TMEM40: variants seen among roughly 807,000 people sequenced by gnomAD.
The protein encoded by TMEM40 is transmembrane protein 40.
TMEM40 carries 34 observed loss-of-function variants against 40.8 expected under a neutral mutation model. The ratio of observed to expected loss-of-function variants is 0.83; its 90% CI spans 0.63 to 1.11. The LOEUF (loss-of-function observed/expected upper bound fraction) is 1.11. Among genes scored for constraint, TMEM40 ranks in the 50% least tolerant of loss-of-function variants. The pLI is 0.00. For synonymous variants in TMEM40, 106 were observed against 107.0 expected, an observed-to-expected ratio of 0.99 and a Z score of 0.06; for missense variants, 296 against 280.2, an observed-to-expected ratio of 1.06 and a Z score of -0.40.
chr3:12,742,122 C>T (rs761830471), intron 5 of TMEM40, among the ~76,000 whole-genome samples: 6 of 152,004 alleles, frequency 3.9e-5, no homozygotes, highest in South Asian at 4.2e-4. Context: ...CCCACCTACT[C>T]GGGAGGCTGA....
At chr3:12,747,029 G>A (rs903133509) in intron 3 of TMEM40, among the ~76,000 whole-genome samples, 3 of 152,036 alleles carry the variant, frequency 2.0e-5, no homozygotes, top group African/African-American at 7.2e-5. Context: ...GTTTTTAAAT[G>A]GGGCGATGGC....
intron 1 of TMEM40, among the ~76,000 whole-genome samples, chr3:12,752,128 A>G (rs2061482357): frequency 6.6e-6 from 1 of 151,936 alleles, no homozygotes. Context: ...TCTCTCTATC[A>G]CCCAGGCTAA....
chr3:12,749,131 T>G (rs2106615626), intron 2 of TMEM40, among the ~76,000 whole-genome samples: 1 of 152,060 alleles, frequency 6.6e-6, no homozygotes, highest in South Asian at 2.1e-4. Context: ...TTCATGCCAT[T>G]CTCCTGCCTC....
upstream of TMEM40, among the ~76,000 whole-genome samples, chr3:12,760,455 C>T (rs2106623618): frequency 6.6e-6 from 1 of 152,232 alleles, no homozygotes; most frequent in South Asian, 2.1e-4. Flanking sequence ...CCTGGGTGGG[C>T]TCCCTCCTCA....
intron 3 of TMEM40, among the ~76,000 whole-genome samples, chr3:12,744,720 G>A (rs1285325934): frequency 6.6e-6 from 1 of 152,196 alleles, no homozygotes; most frequent in East Asian, 1.9e-4. Context: ...AGGTCTAGGA[G>A]TTTCTGGCTC....
At chr3:12,746,562 G>A (rs761911279) in intron 3 of TMEM40, among the ~76,000 whole-genome samples, 31 of 152,182 alleles carry the variant, frequency 2.0e-4, no homozygotes, top group African/African-American at 1.7e-4. Flanking sequence ...ATGTGAGGAC[G>A]GCAGGGCTGC....
At chr3:12,752,216 G>T (rs577535997) in intron 1 of TMEM40, among the ~76,000 whole-genome samples, 5 of 152,258 alleles carry the variant, frequency 3.3e-5, no homozygotes, top group South Asian at 4.1e-4. Context: ...AACCTTCTGA[G>T]TAGGTAGGAC....
chr3:12,744,039 T>C, intron 3 of TMEM40, 50 bp from the exon 4 acceptor site: 3 of 1,566,862 alleles, frequency 1.9e-6, no homozygotes, highest in Non-Finnish European at 2.6e-6. Flanking sequence ...TGGAACAAGC[T>C]GGGAATGCGT....
At chr3:12,758,487 G>C (rs1177277350) in intron 1 of TMEM40, among the ~76,000 whole-genome samples, 1 of 152,176 alleles carries the variant, frequency 6.6e-6, no homozygotes, top group Non-Finnish European at 1.5e-5. Flanking sequence ...GACAGCCTAC[G>C]GGGGTGGGTG....
At chr3:12,761,814 C>T (rs11719526), upstream of TMEM40, among the ~76,000 whole-genome samples, 45,485 of 151,676 alleles carry the variant, frequency 0.3, 8,584 homozygotes, top group Non-Finnish European at 0.43. Flanking sequence ...TGACACATGG[C>T]TGGTCAGGAT....
rs988079636 is a variant in TMEM40 at position 12,733,807 on chromosome 3, G to A, written c.*967C>T. On this transcript the variant is annotated 3_prime_UTR_variant, in exon 12 of 12. Coordinates refer to ENST00000314124, the MANE Select transcript of TMEM40 (RefSeq NM_018306.4). ...TGTTCTCATCATAAAAAAAGGGTAT[G>A]TGAGGGATACATATGTTAATTAGCT... 4 of 151,892 alleles carry A rather than the reference G, an allele frequency of 2.6e-5. No individual in the cohort carries two copies. Among genetic ancestry groups the A allele is most frequent in the African/African-American group, 9.7e-5 (4 of 41,318 alleles). 9.4% of individuals were successfully genotyped at this position (151,892 alleles called of 1,614,324 possible). A position where few individuals can be genotyped will look rare whatever the true frequency, so the allele number is the denominator to read the frequency against.
chr3:12,737,454 G>C (rs970230295), intron 8 of TMEM40: 23 of 572,576 alleles, frequency 4.0e-5, no homozygotes, highest in African/African-American at 9.4e-5. Flanking sequence ...AGAGGACCAG[G>C]GCTCAAGCTC....
intron 1 of TMEM40, among the ~76,000 whole-genome samples, chr3:12,758,957 G>A (rs1381255707): frequency 6.6e-6 from 1 of 152,110 alleles, no homozygotes. Context: ...CACCTACCAT[G>A]GCCAAGTATA....
intron 6 of TMEM40, among the ~76,000 whole-genome samples, 192 bp downstream of exon 6, chr3:12,738,361 G>A (rs934821940): frequency 6.6e-6 from 1 of 152,172 alleles, no homozygotes; most frequent in African/African-American, 2.4e-5. Context: ...AGCCTTCCAA[G>A]CTCCCCAGGC....
chr3:12,768,082 C>T (rs182010176), intron 1 of TMEM40, among the ~76,000 whole-genome samples: 37 of 152,216 alleles, frequency 2.4e-4, no homozygotes, highest in South Asian at 8.3e-4. Context: ...GCGGCGTGTT[C>T]GGAGTTTCTT....
intron 1 of TMEM40, among the ~76,000 whole-genome samples, chr3:12,752,179 C>A (rs1468530577): frequency 6.6e-6 from 1 of 152,140 alleles, no homozygotes; most frequent in Non-Finnish European, 1.5e-5. Context: ...GCCTTGAACT[C>A]CTGGACTCAA....
At chr3:12,752,373 A>G (rs79314560) in intron 1 of TMEM40, among the ~76,000 whole-genome samples, 9,462 of 152,306 alleles carry the variant, frequency 0.062, 323 homozygotes, top group African/African-American at 0.093. Context: ...ACAAGCAGCT[A>G]TAAGTGCCTA....
At chr3:12,749,446 C>T (rs1156986899) in intron 2 of TMEM40, among the ~76,000 whole-genome samples, 1 of 152,208 alleles carries the variant, frequency 6.6e-6, no homozygotes, top group Non-Finnish European at 1.5e-5. Context: ...CCTAAACCTT[C>T]CCATTCCCCA....
chr3:12,733,610 A>G lies in TMEM40; in HGVS notation c.*1164T>C, dbSNP rs1014495352. The G allele has an allele frequency of 1.3e-5, 2 of 152,066 alleles. No homozygotes were observed. Among genetic ancestry groups the G allele is most frequent in the African/African-American group, 4.8e-5 (2 of 41,406 alleles). 9.4% of individuals were successfully genotyped at this position (152,066 alleles called of 1,614,324 possible). ...GGGCTCCCGTTAAATTAGGTTACAT[A>G]CAAGTACTTGAAATCAAAACCTCAG... On this transcript the variant is annotated 3_prime_UTR_variant, in exon 12 of 12. Coordinates refer to ENST00000314124, the MANE Select transcript of TMEM40 (RefSeq NM_018306.4).
Sources: allele counts gnomAD v4.1 joint callset (sites outside exome capture counted in the v4.1 genomes callset), GRCh38; gene constraint gnomAD v4.1.1; transcripts MANE v1.5; gene names NCBI Gene and HGNC (gene_info 2026-07-23, HGNC 2026-07-21).